SYT3: variants seen among roughly 807,000 people sequenced by gnomAD.
SYT3 encodes synaptotagmin-3.
Under a neutral mutation model 50.6 loss-of-function variants are expected in SYT3, and 25 were observed. The observed-to-expected ratio is 0.49, with a 90% CI of 0.36 to 0.69. The LOEUF is 0.69. Ranked by LOEUF, SYT3 falls within the 30% of genes least tolerant of loss-of-function variation. SYT3 has a pLI of 0.00. For missense variants in SYT3, 589 were observed against 793.6 expected, an observed-to-expected ratio of 0.74 and a Z score of 3.10; for synonymous variants, 323 against 353.9, an observed-to-expected ratio of 0.91 and a Z score of 0.98.
In SYT3 at chr19:50,637,240, G is replaced by C; in HGVS notation, c.148+24C>G. On this transcript the variant is annotated intron_variant, in intron 3 of 10. Coordinates refer to ENST00000600079, the MANE Select transcript of SYT3 (RefSeq NM_001160329.2). This position sits in a 1 kb window ranked among gnomAD's most constrained non-coding sequence, Gnocchi z 4.9. ...TGGCCATAGTGCAAGCAGGGGGCTG[G>C]CCAAGACAGGCAGGGGTGCTGACCT... The C allele has an allele frequency of 1.9e-6, 3 of 1,607,526 alleles. No individual in the cohort carries two copies. Among genetic ancestry groups the C allele is most frequent in the Non-Finnish European group, 2.6e-6 (3 of 1,175,890 alleles).
chr19:50,623,912 C>A (rs184892517), intron 9 of SYT3, among the ~76,000 whole-genome samples: 227 of 151,110 alleles, frequency 1.5e-3, no homozygotes, highest in African/African-American at 5.1e-3. Context: ...CAGTCTCATG[C>A]CACATCAGAC....
At chr19:50,626,734 G>A (rs1227148248) in intron 6 of SYT3, among the ~76,000 whole-genome samples, 1 of 147,668 alleles carries the variant, frequency 6.8e-6, no homozygotes, top group Non-Finnish European at 1.5e-5. Context: ...GAGACAGGGG[G>A]TACAGAGACC....
the SYT3 span, among the ~76,000 whole-genome samples, chr19:50,651,922 A>G: frequency 6.6e-6 from 1 of 152,298 alleles, no homozygotes; most frequent in Admixed American, 6.5e-5. Context: ...TTTCACATGC[A>G]TCTTTGATGC....
At chr19:50,650,543 T>C in the SYT3 span, among the ~76,000 whole-genome samples, 1 of 152,112 alleles carries the variant, frequency 6.6e-6, no homozygotes, top group Non-Finnish European at 1.5e-5. Flanking sequence ...TGGTGCCGGG[T>C]GCCTGTAATC....
chr19:50,646,584 G>A, the SYT3 span, among the ~76,000 whole-genome samples: 2 of 152,282 alleles, frequency 1.3e-5, no homozygotes, highest in East Asian at 1.9e-4. Context: ...GTGTTCAGAG[G>A]TCTGGAGAAG....
At chr19:50,642,155 C>T (rs1451263239), upstream of SYT3, among the ~76,000 whole-genome samples, 2 of 152,168 alleles carry the variant, frequency 1.3e-5, no homozygotes, top group Admixed American at 6.5e-5. Flanking sequence ...GAAGCATGTG[C>T]GGGTGTAAAC....
At chr19:50,653,918 G>C in the SYT3 span, among the ~76,000 whole-genome samples, 4 of 152,096 alleles carry the variant, frequency 2.6e-5, no homozygotes, top group Non-Finnish European at 5.9e-5. Context: ...GGGGTAGATG[G>C]AGCTAATGCT....
rs1984021030 is a variant in SYT3 at position 50,625,559 on chromosome 19, AG to A, written c.1407del (p.Tyr470ThrfsTer2). 1 of 1,589,748 alleles carries A rather than the reference AG, an allele frequency of 6.3e-7. No homozygotes were observed. The highest frequency in any genetic ancestry group is 1.2e-5 in the South Asian group (1 of 86,642). ...KAMDLTGFSD[P>X]YVKASLISEG... is the part of the protein sequence containing the mutation. ...TCGCTGATCAGGGAGGCCTTCACGT[AG>A]GGGTCTGGGAACAGCAATGAAGTAA... is the stretch of plus-strand genomic sequence containing the variant. On this transcript the variant is annotated frameshift_variant, in exon 8 of 11. Transcript: ENST00000600079. LOFTEE classifies it high-confidence loss of function. This position sits in a 1 kb window ranked among gnomAD's most constrained non-coding sequence, Gnocchi z 7.5.
At chr19:50,655,969 A>T in the SYT3 span, 1 of 1,349,878 alleles carries the variant, frequency 7.4e-7, no homozygotes, top group Non-Finnish European at 1.0e-6. Context: ...TGGCATGGGC[A>T]AGCAATTGGT....
Position 50,625,546 on chromosome 19 carries a change from GA to G in SYT3, c.1420del (p.Ser474ProfsTer2). ...CAGACGCCGCCCCTCGCTGATCAGG[GA>G]GGCCTTCACGTAGGGGTCTGGGAAC... ...TGFSDPYVKASLISEGRRLKK... is the reference protein window; with the variant it reads ...TGFSDPYVKAXLISEGRRLKK... On this transcript the variant is annotated frameshift_variant, in exon 8 of 11. Coordinates refer to ENST00000600079, the MANE Select transcript of SYT3 (RefSeq NM_001160329.2). LOFTEE classifies it high-confidence loss of function. This position sits in a 1 kb window ranked among gnomAD's most constrained non-coding sequence, Gnocchi z 7.5. 1 of 1,598,104 alleles carries G rather than the reference GA, an allele frequency of 6.3e-7. No individual in the cohort carries two copies. Among genetic ancestry groups the G allele is most frequent in the Non-Finnish European group, 8.5e-7 (1 of 1,172,694 alleles).
At chr19:50,654,715 T>C in the SYT3 span, among the ~76,000 whole-genome samples, 1 of 151,154 alleles carries the variant, frequency 6.6e-6, no homozygotes, top group East Asian at 1.9e-4. Flanking sequence ...CTGCAACCTC[T>C]AACTCCTGGC....
chr19:50,650,100 A>G, the SYT3 span, among the ~76,000 whole-genome samples: 9 of 151,806 alleles, frequency 5.9e-5, no homozygotes, highest in Non-Finnish European at 1.2e-4. Flanking sequence ...CTATCCCTCC[A>G]TGGCTCCAGA....
intron 3 of SYT3, among the ~76,000 whole-genome samples, chr19:50,634,958 C>T (rs1013316506): frequency 7.3e-5 from 11 of 151,604 alleles, no homozygotes; most frequent in South Asian, 2.1e-4. Context: ...GTGATCTCTG[C>T]GGAGTGCAGT....
At chr19:50,647,858 A>C in the SYT3 span, among the ~76,000 whole-genome samples, 36 of 152,256 alleles carry the variant, frequency 2.4e-4, no homozygotes, top group Middle Eastern at 3.4e-3. Context: ...CATCCCGCTG[A>C]GATAAAATTG....
At position 50,632,856 on chromosome 19, in the gene SYT3, G is replaced by A. The variant is rs761380085; in HGVS notation, c.149-45C>T. The A allele has an allele frequency of 2.1e-6, 3 of 1,423,188 alleles. No homozygotes were observed. Among genetic ancestry groups the A allele is most frequent in the Non-Finnish European group, 2.8e-6 (3 of 1,078,852 alleles). 88.2% of individuals were successfully genotyped at this position (1,423,188 alleles called of 1,614,324 possible). Reference sequence around the variant, plus strand: ...AGGTAGGGGTCAGGATGGGGTCACAGTACATCCTCCCTCTGCTGTCCCCAA... The same window carrying A: ...AGGTAGGGGTCAGGATGGGGTCACAATACATCCTCCCTCTGCTGTCCCCAA... On this transcript the variant is annotated intron_variant, in intron 3 of 10. Transcript: ENST00000600079. The surrounding 1 kb of genome is among the most constrained non-coding windows in gnomAD (Gnocchi z 4.7).
At chr19:50,630,484 G>A (rs1454145448) in intron 4 of SYT3, among the ~76,000 whole-genome samples, 1 of 150,932 alleles carries the variant, frequency 6.6e-6, no homozygotes, top group African/African-American at 2.4e-5. Flanking sequence ...GTGCAAAGGC[G>A]CGATCTCGGC....
upstream of SYT3, among the ~76,000 whole-genome samples, chr19:50,644,715 T>C (rs143598806): frequency 3.3e-5 from 5 of 151,760 alleles, no homozygotes; most frequent in African/African-American, 4.8e-5. Context: ...GATGGATGGA[T>C]GCTGCAGAAA....
the SYT3 span, chr19:50,656,196 GA>G: frequency 1.3e-6 from 2 of 1,536,134 alleles, no homozygotes; most frequent in Non-Finnish European, 1.7e-6. Flanking sequence ...CCTGACCTCA[GA>G]GGTCCCTGCC....
chr19:50,625,668 G>A lies in SYT3; in HGVS notation c.1403-104C>T, dbSNP rs958193324. ...TCCTCCCTCAGACCCAGAGGTCCGG[G>A]GCCCCAGGCCCCCAGTCCCTCCTTC... is the stretch of plus-strand genomic sequence containing the variant. On this transcript the variant is annotated intron_variant, in intron 7 of 10. Coordinates refer to ENST00000600079, the MANE Select transcript of SYT3 (RefSeq NM_001160329.2). The surrounding 1 kb of genome is among the most constrained non-coding windows in gnomAD (Gnocchi z 7.5). 7.0e-7 allele frequency: 1 copy of A among 1,428,816 alleles called. No homozygotes were observed. Among genetic ancestry groups the A allele is most frequent in the Non-Finnish European group, 9.3e-7 (1 of 1,077,504 alleles). 88.5% of individuals were successfully genotyped at this position (1,428,816 alleles called of 1,614,324 possible).
Sources: allele counts gnomAD v4.1 joint callset (sites outside exome capture counted in the v4.1 genomes callset), GRCh38; gene constraint gnomAD v4.1.1; non-coding constraint Gnocchi (gnomAD v3.1); transcripts MANE v1.5; gene names NCBI Gene and HGNC (gene_info 2026-07-23, HGNC 2026-07-21).